NLRP2: variants seen among roughly 807,000 people sequenced by gnomAD.
NLRP2 encodes NACHT, LRR and PYD domains-containing protein 2.
A neutral mutation model predicts 97.2 loss-of-function variants in NLRP2; 107 were observed. The ratio of observed to expected loss-of-function variants is 1.10; its 90% CI spans 0.94 to 1.29. NLRP2 has a LOEUF of 1.29. Ranked by LOEUF, NLRP2 falls within the 50% of genes most tolerant of loss-of-function variation. The pLI is 0.00. For synonymous variants in NLRP2, 663 were observed against 551.5 expected (o/e 1.20, Z -2.83); for missense variants, 1,495 against 1,330.3 (o/e 1.12, Z -1.93).
chr19:54,985,028 T>G lies in NLRP2; in HGVS notation c.2031-19T>G, dbSNP rs754597147. On this transcript the variant is annotated intron_variant, in intron 6 of 12. Transcript: ENST00000448584. The stretch of plus-strand genomic sequence containing the variant: ...GATGGACACACATTTGGTGTAACCC[T>G]TTCTTCTCTTCCCTATAGATCCCAG... 3.1e-6 allele frequency: 5 copies of G among 1,613,492 alleles called. No individual in the cohort carries two copies. The East Asian group carries it at 1.1e-4, about 36-fold the overall frequency.
intron 10 of NLRP2, chr19:54,993,742 C>G (rs1002781285): frequency 4.4e-6 from 1 of 226,596 alleles, no homozygotes; most frequent in Non-Finnish European, 8.7e-6. Flanking sequence ...ACACACACCC[C>G]CCTGTAATCC....
intron 8 of NLRP2, among the ~76,000 whole-genome samples, chr19:54,986,708 G>A (rs907232328): frequency 5.3e-5 from 8 of 151,590 alleles, no homozygotes; most frequent in African/African-American, 1.9e-4. Flanking sequence ...CCGCCACCAC[G>A]CCCGGCTAAT....
intron 1 of NLRP2, among the ~76,000 whole-genome samples, chr19:54,966,825 C>CTTTTTTTTTTTTTTTTTTTTTTTTT (rs1044701142): frequency 1.3e-5 from 1 of 74,996 alleles, no homozygotes. Context: ...CGCGCCCAGC[C>CTTTTTTTTTTTTTTTTTTTTTTTTT]TTTTTTTTTT....
chr19:54,978,969 T>G (rs1028670391), intron 4 of NLRP2, among the ~76,000 whole-genome samples: 4 of 151,990 alleles, frequency 2.6e-5, no homozygotes, highest in African/African-American at 9.7e-5. Context: ...CTGAGCTGAC[T>G]TTGTGATAGG....
rs963590670 is a variant in NLRP2, at chr19:54,985,695, A to G, written c.2202-456A>G. Among the ~76,000 whole-genome samples the G allele has an allele frequency of 5.2e-4, 75 of 144,534 alleles. 1 individual carries two copies. The highest frequency in any genetic ancestry group is 8.1e-4 in the Non-Finnish European group (55 of 67,694). 94.8% of individuals were successfully genotyped at this position (144,534 alleles called of 152,430 possible). A position where few individuals can be genotyped will look rare whatever the true frequency, so the allele number is the denominator to read the frequency against. ...TGCGTCTCAAAAAAAAAAAAAAAAA[A>G]AAAGAAAAAGAAAAAAAGGGCCGGG... On this transcript the variant is annotated intron_variant, in intron 7 of 12. Coordinates refer to ENST00000448584, the MANE Select transcript of NLRP2 (RefSeq NM_017852.5).
chr19:54,997,206 G>A, intron 11 of NLRP2, 111 bp from the exon 12 acceptor site: 1 of 1,140,620 alleles, frequency 8.8e-7, no homozygotes. Flanking sequence ...TGCCCGGCCT[G>A]AGACTTCTGT....
At chr19:54,977,918 A>T in intron 4 of NLRP2, 95 bp downstream of exon 4, 1 of 1,121,172 alleles carries the variant, frequency 8.9e-7, no homozygotes. Context: ...ATCTCTCTCC[A>T]ATCTTTTCCT....
intron 3 of NLRP2, among the ~76,000 whole-genome samples, chr19:54,975,126 T>C: frequency 9.1e-6 from 1 of 110,452 alleles, no homozygotes; most frequent in East Asian, 3.3e-4. Flanking sequence ...TTTTTTTTTT[T>C]TTTTTTTTTT....
intron 6 of NLRP2, 73 bp downstream of exon 6, chr19:54,983,801 G>A: frequency 6.3e-7 from 1 of 1,585,022 alleles, no homozygotes; most frequent in Non-Finnish European, 8.6e-7. Context: ...AGAGGCCAGA[G>A]CCTCCTATGC....
At position 54,982,636 on chromosome 19, in the gene NLRP2, C is replaced by A. The variant is rs141427711; in HGVS notation, c.938C>A (p.Pro313Gln). The A allele has an allele frequency of 2.5e-6, 4 of 1,614,136 alleles. No homozygotes were observed. Among genetic ancestry groups the A allele is most frequent in the South Asian group, 1.1e-5 (1 of 91,088 alleles). The change falls in exon 6 of 13, where the codon CCG becomes CAG. Residue 313 changes from proline (P) to glutamine (Q), a missense_variant. By Grantham distance (76) the Pro-to-Gln change is moderately conservative. Coordinates refer to ENST00000448584, the MANE Select transcript of NLRP2 (RefSeq NM_017852.5). ...DICGDWEKKK[P>Q]VPVLLGSLLN... ...TGCGGGGACTGGGAGAAGAAGAAGC[C>A]GGTGCCCGTCCTCCTGGGGAGTTTG... is the stretch of plus-strand genomic sequence containing the variant.
At chr19:54,994,194 C>T in intron 10 of NLRP2, 75 bp from the exon 11 acceptor site, 1 of 1,500,308 alleles carries the variant, frequency 6.7e-7, no homozygotes, top group South Asian at 1.1e-5. Flanking sequence ...ACCCACGGCT[C>T]AAGAGTCAAA....
rs754768995 is a variant in NLRP2, at chr19:54,990,566, C to T, written c.2602C>T (p.Arg868Trp). Residue 868 changes from arginine (R) to tryptophan (W), a missense_variant, in exon 10 of 13, where the codon CGG becomes TGG. By Grantham distance (101) the Arg-to-Trp change is moderately radical. Transcript: ENST00000448584. ...CCTTGCTGCTGTGTTGGTTGTCAGC[C>T]GGGAGCTGACACACCTGTGCTTGGC... Reference protein sequence around the residue: ...KDLAAVLVVSRELTHLCLAKN... With the variant: ...KDLAAVLVVSWELTHLCLAKN... 5.0e-6 allele frequency: 8 copies of T among 1,613,960 alleles called. No individual in the cohort carries two copies. Among genetic ancestry groups the T allele is most frequent in the East Asian group, 4.5e-5 (2 of 44,872 alleles).
intron 8 of NLRP2, chr19:54,989,633 G>T (rs1240473957): frequency 1.5e-5 from 5 of 339,810 alleles, no homozygotes; most frequent in South Asian, 5.4e-5. Context: ...TCAAGTCGGG[G>T]TATAACACAA....
intron 4 of NLRP2, among the ~76,000 whole-genome samples, chr19:54,981,200 T>C (rs1317883997): frequency 6.6e-6 from 1 of 152,152 alleles, no homozygotes; most frequent in Non-Finnish European, 1.5e-5. Context: ...GATGGAGTCT[T>C]GCTCTGTTGC....
rs753727675 is a variant in NLRP2, at chr19:54,986,188, C to G, written c.2239C>G (p.Leu747Val). ...NISPADAHRN[L>V]CLALRGHKTV... Reference sequence around the variant, plus strand: ...TTCCCCAGCTGATGCTCATCGGAACCTCTGCCTAGCTCTTCGAGGTCACAA... The same window carrying G: ...TTCCCCAGCTGATGCTCATCGGAACGTCTGCCTAGCTCTTCGAGGTCACAA... Residue 747 changes from leucine (L) to valine (V), a missense_variant, in exon 8 of 13, where the codon CTC becomes GTC. Coordinates refer to ENST00000448584, the MANE Select transcript of NLRP2 (RefSeq NM_017852.5). 8.1e-6 allele frequency: 13 copies of G among 1,613,646 alleles called. No individual in the cohort carries two copies. The Admixed American group carries it at 1.2e-4, about 14-fold the overall frequency.
chr19:54,993,671 C>T (rs988205303), intron 10 of NLRP2: 1 of 164,006 alleles, frequency 6.1e-6, no homozygotes, highest in Non-Finnish European at 1.3e-5. Flanking sequence ...ATGGGGAAAC[C>T]CTGTCTCTAC....
At chr19:54,969,731 C>T (rs2070722706) in intron 1 of NLRP2, among the ~76,000 whole-genome samples, 1 of 152,140 alleles carries the variant, frequency 6.6e-6, no homozygotes, top group Non-Finnish European at 1.5e-5. Context: ...ACAATCAAGG[C>T]TCACTGCAGT....
intron 11 of NLRP2, among the ~76,000 whole-genome samples, chr19:54,995,786 A>G (rs2072777159): frequency 6.6e-6 from 1 of 152,016 alleles, no homozygotes; most frequent in Admixed American, 6.6e-5. Context: ...TCATGCCTGT[A>G]ATCCTGGCAT....
chr19:54,977,487 TTG>T (rs61515967), intron 3 of NLRP2, among the ~76,000 whole-genome samples: 3,342 of 147,504 alleles, frequency 0.023, 34 homozygotes, highest in African/African-American at 0.03. Flanking sequence ...CGTGAGTAGT[TTG>T]TGTGTGTGTG....
Sources: allele counts gnomAD v4.1 joint callset (sites outside exome capture counted in the v4.1 genomes callset), GRCh38; gene constraint gnomAD v4.1.1; transcripts MANE v1.5; gene names NCBI Gene and HGNC (gene_info 2026-07-23, HGNC 2026-07-21).